The following CHRM3 variants were observed in gnomAD, a reference collection of about 807,000 sequenced individuals.
The protein encoded by CHRM3 is cholinergic receptor muscarinic 3.
A neutral mutation model predicts 41.8 loss-of-function variants in CHRM3; 11 were observed. The observed-to-expected ratio is 0.26, with a 90% CI of 0.17 to 0.44. The LOEUF (loss-of-function observed/expected upper bound fraction) is 0.44, where lower values mean the gene tolerates loss of function less well. Among genes scored for constraint, CHRM3 ranks in the 20% least tolerant of loss-of-function variants. The probability of loss-of-function intolerance (pLI) is 1.00; values close to 1 mark genes in which losing one functional copy is unlikely to be tolerated. For missense variants in CHRM3, 571 were observed against 745.4 expected (o/e 0.77, Z 2.72); for synonymous variants, 297 against 301.4 (o/e 0.99, Z 0.15).
At chr1:239,456,979 C>T (rs1446289603) in intron 1 of CHRM3, among the ~76,000 whole-genome samples, 2 of 152,170 alleles carry the variant, frequency 1.3e-5, no homozygotes, top group African/African-American at 4.8e-5. Flanking sequence ...TGTACATGTC[C>T]ACTTTGTGGT....
At chr1:239,497,623 C>T (rs1667969186) in intron 2 of CHRM3, among the ~76,000 whole-genome samples, 1 of 152,230 alleles carries the variant, frequency 6.6e-6, no homozygotes, top group Admixed American at 6.5e-5. Flanking sequence ...TCGTTTCTTT[C>T]CTGCCTCCTC....
chr1:239,706,192 G>A (rs1473795735), intron 5 of CHRM3: 1 of 149,414 alleles, frequency 6.7e-6, no homozygotes, highest in Non-Finnish European at 1.5e-5. Context: ...GCAATAAAAT[G>A]TAATAAACAT....
rs537585944 is a variant in CHRM3, at chr1:239,857,357, A to T, written c.-20+29979A>T. Among the ~76,000 whole-genome samples, 43 of 152,330 alleles carry T rather than the reference A, an allele frequency of 2.8e-4. 1 individual carries two copies. The highest frequency in any genetic ancestry group is 9.6e-4 in the African/African-American group (40 of 41,584). On this transcript the variant is annotated intron_variant, in intron 6 of 6. Coordinates refer to ENST00000676153, the MANE Select transcript of CHRM3 (RefSeq NM_001375978.1). ...CAGAATCTCTCATATTTACTATCTA[A>T]AACTAAGGAGCCTTTCCCAAGTTAG...
At chr1:239,680,707 CATGT>C (rs1658475612) in intron 5 of CHRM3, among the ~76,000 whole-genome samples, 2 of 137,858 alleles carry the variant, frequency 1.5e-5, no homozygotes, top group African/African-American at 6.8e-5. Flanking sequence ...TTGGTGTGTG[CATGT>C]GTGTGTGTGT....
intron 6 of CHRM3, among the ~76,000 whole-genome samples, chr1:239,848,496 T>G (rs539438919): frequency 6.6e-6 from 1 of 152,272 alleles, no homozygotes; most frequent in African/African-American, 2.4e-5. Flanking sequence ...CTTAGTATTG[T>G]GAAGTGATCT....
chr1:239,795,055 A>G (rs1228664173), intron 5 of CHRM3, among the ~76,000 whole-genome samples: 1 of 152,190 alleles, frequency 6.6e-6, no homozygotes, highest in Non-Finnish European at 1.5e-5. Flanking sequence ...ATATTGTAGT[A>G]TTGGTTATTC....
At chr1:239,864,026 T>C (rs1470546242) in intron 6 of CHRM3, among the ~76,000 whole-genome samples, 1 of 151,460 alleles carries the variant, frequency 6.6e-6, no homozygotes, top group Admixed American at 6.6e-5. Flanking sequence ...AATATGATCT[T>C]CTCCATAGGT....
At position 239,748,806 on chromosome 1, in the gene CHRM3, T is replaced by A. The variant is rs1665572875; in HGVS notation, c.-147+70518T>A. Among the ~76,000 whole-genome samples the A allele has an allele frequency of 6.6e-6, 1 of 152,194 alleles. No individual in the cohort carries two copies. The highest frequency in any genetic ancestry group is 2.4e-5 in the African/African-American group (1 of 41,442). ...GTTTTATGCAAATTCTGGTGGGCCT[T>A]GTATTTTATGTTAGCCCTTCTCTAG... On this transcript the variant is annotated intron_variant, in intron 5 of 6. Coordinates refer to ENST00000676153, the MANE Select transcript of CHRM3 (RefSeq NM_001375978.1). This position sits in a 1 kb window ranked among gnomAD's most constrained non-coding sequence, Gnocchi z 4.3.
intron 2 of CHRM3, among the ~76,000 whole-genome samples, chr1:239,502,725 G>T (rs1668317696): frequency 6.6e-6 from 1 of 152,004 alleles, no homozygotes; most frequent in Non-Finnish European, 1.5e-5. Flanking sequence ...ATATCTAAAA[G>T]ATAATCCACC....
At chr1:239,615,949 A>G (rs1228876402) in intron 3 of CHRM3, among the ~76,000 whole-genome samples, 1 of 152,156 alleles carries the variant, frequency 6.6e-6, no homozygotes, top group East Asian at 1.9e-4. Flanking sequence ...CCTTCCTTCT[A>G]CTTCTTCCTC....
At chr1:239,536,339 G>A (rs1012627184) in intron 2 of CHRM3, among the ~76,000 whole-genome samples, 2 of 152,156 alleles carry the variant, frequency 1.3e-5, no homozygotes, top group South Asian at 4.1e-4. Flanking sequence ...CTTGGCTACA[G>A]TCATCCTCCT....
At chr1:239,553,847 G>A (rs758981305) in intron 3 of CHRM3, among the ~76,000 whole-genome samples, 1 of 152,122 alleles carries the variant, frequency 6.6e-6, no homozygotes. Context: ...TAAATGTAGG[G>A]GCAAACAAGC....
Position 239,551,144 on chromosome 1 carries a change from C to CTTTTTTT in CHRM3, c.-313+5416_-313+5422dup, listed in dbSNP as rs1157407521. ...GAAAATGCATATAAGTGTTACCATTCTTTTTTTTTTTTTTTTTTTTTTTTT... is the reference window on the plus strand; with the variant it reads ...GAAAATGCATATAAGTGTTACCATTCTTTTTTTTTTTTTTTTTTTTTTTTTTTTTTTT... On this transcript the variant is annotated intron_variant, in intron 3 of 6. Coordinates refer to ENST00000676153, the MANE Select transcript of CHRM3 (RefSeq NM_001375978.1). Among the ~76,000 whole-genome samples the CTTTTTTT allele has an allele frequency of 8.3e-5, 5 of 60,358 alleles. 1 individual carries two copies. Among genetic ancestry groups the CTTTTTTT allele is most frequent in the South Asian group, 7.7e-4 (1 of 1,292 alleles). 39.6% of individuals were successfully genotyped at this position (60,358 alleles called of 152,430 possible). A position where few individuals can be genotyped will look rare whatever the true frequency, so the allele number is the denominator to read the frequency against.
chr1:239,837,035 C>T (rs573975766), intron 6 of CHRM3, among the ~76,000 whole-genome samples: 3 of 151,192 alleles, frequency 2.0e-5, no homozygotes, highest in South Asian at 2.1e-4. Context: ...TTGGACCATA[C>T]AGTGTCAGCA....
At chr1:239,537,996 T>G (rs1332938617) in intron 2 of CHRM3, among the ~76,000 whole-genome samples, 1 of 152,290 alleles carries the variant, frequency 6.6e-6, no homozygotes, top group East Asian at 1.9e-4. Context: ...TCATAAGCGC[T>G]TGGCATGTGG....
At chr1:239,511,478 G>T (rs949079385) in intron 2 of CHRM3, among the ~76,000 whole-genome samples, 1 of 152,126 alleles carries the variant, frequency 6.6e-6, no homozygotes, top group African/African-American at 2.4e-5. Context: ...AAAAACAAAA[G>T]TATCAAATGT....
chr1:239,832,933 A>G (rs1272428980), intron 6 of CHRM3, among the ~76,000 whole-genome samples: 2 of 152,154 alleles, frequency 1.3e-5, no homozygotes, highest in Non-Finnish European at 2.9e-5. Flanking sequence ...CGTAAACATC[A>G]AGAGACTAGG....
intron 6 of CHRM3, among the ~76,000 whole-genome samples, chr1:239,830,450 T>C (rs762426468): frequency 6.6e-5 from 10 of 152,166 alleles, no homozygotes; most frequent in Admixed American, 1.3e-4. Context: ...ACGCCTGTAA[T>C]CCCAGCACTT....
chr1:239,802,239 A>ATC (rs1226478842), intron 5 of CHRM3, among the ~76,000 whole-genome samples: 2 of 152,076 alleles, frequency 1.3e-5, no homozygotes, highest in Non-Finnish European at 2.9e-5. Flanking sequence ...CTTGAATTTT[A>ATC]TCTCTCTCTC....
Sources: allele counts gnomAD v4.1 joint callset (sites outside exome capture counted in the v4.1 genomes callset), GRCh38; gene constraint gnomAD v4.1.1; non-coding constraint Gnocchi (gnomAD v3.1); transcripts MANE v1.5; gene names NCBI Gene and HGNC (gene_info 2026-07-23, HGNC 2026-07-21).